Variants in RASGRF2 observed in about 807,000 individuals in gnomAD.
RASGRF2 encodes the protein Ras protein specific guanine nucleotide releasing factor 2, also known as ras-specific guanine nucleotide-releasing factor 2.
Under a neutral mutation model 151.0 loss-of-function variants are expected in RASGRF2, and 76 were observed. The observed-to-expected ratio is 0.50, with a 90% confidence interval of 0.42 to 0.61. The LOEUF (loss-of-function observed/expected upper bound fraction) is 0.61, where lower values mean the gene tolerates loss of function less well. Among genes scored for constraint, RASGRF2 ranks in the 20% least tolerant of loss-of-function variants. The pLI, the probability that RASGRF2 is intolerant of heterozygous loss-of-function variation, is 0.00. For missense variants in RASGRF2, 1,148 were observed against 1,564.6 expected, an observed-to-expected ratio of 0.73 and a Z score of 4.49; for synonymous variants, 504 against 566.5, an observed-to-expected ratio of 0.89 and a Z score of 1.57.
chr5:81,185,682 C>T (rs746623458), intron 18 of RASGRF2, among the ~76,000 whole-genome samples: 2 of 152,266 alleles, frequency 1.3e-5, no homozygotes, highest in East Asian at 3.9e-4. Context: ...TTATTGCTTT[C>T]CCCTGGACCT....
At chr5:80,975,921 TC>T (rs1398172662) in intron 1 of RASGRF2, among the ~76,000 whole-genome samples, 2 of 148,394 alleles carry the variant, frequency 1.3e-5, no homozygotes, top group Non-Finnish European at 2.9e-5. Context: ...TGGCACGATC[TC>T]CAACCTCCGC....
chr5:81,015,980 A>G (rs1392344153), intron 1 of RASGRF2, among the ~76,000 whole-genome samples: 3 of 152,196 alleles, frequency 2.0e-5, no homozygotes, highest in Non-Finnish European at 2.9e-5. Context: ...ACCAGGCACA[A>G]CCTTATAAAA....
At chr5:81,069,722 TAGAA>T (rs1751716424) in intron 3 of RASGRF2, among the ~76,000 whole-genome samples, 1 of 152,174 alleles carries the variant, frequency 6.6e-6, no homozygotes, top group Non-Finnish European at 1.5e-5. Flanking sequence ...GGGGACAAAA[TAGAA>T]AGACAGGCTA....
chr5:80,961,169 C>A, intron 1 of RASGRF2, 143 bp downstream of exon 1: 1 of 923,430 alleles, frequency 1.1e-6, no homozygotes, highest in Non-Finnish European at 1.5e-6. Context: ...AGTGGCGGGA[C>A]ATCTCCACGC....
chr5:81,152,105 T>G (rs1754150817), intron 17 of RASGRF2, among the ~76,000 whole-genome samples: 1 of 152,074 alleles, frequency 6.6e-6, no homozygotes, highest in East Asian at 1.9e-4. Flanking sequence ...AGGTTCAAGC[T>G]ATTCTCCCAT....
intron 5 of RASGRF2, 127 bp from the exon 6 acceptor site, chr5:81,079,994 G>A (rs903060860): frequency 2.5e-6 from 3 of 1,194,048 alleles, no homozygotes; most frequent in African/African-American, 1.6e-5. Flanking sequence ...TGTTATTATT[G>A]GGTATAGTTT....
chr5:81,142,713 G>A (rs1427265437), intron 17 of RASGRF2, among the ~76,000 whole-genome samples: 1 of 152,140 alleles, frequency 6.6e-6, no homozygotes, highest in African/African-American at 2.4e-5. Flanking sequence ...AGCACCCAGT[G>A]TGAAATGAAA....
rs545719810 is a variant in RASGRF2, at chr5:81,111,287, G to A, written c.1839-1323G>A. On this transcript the variant is annotated intron_variant, in intron 13 of 26. Coordinates refer to ENST00000265080, the MANE Select transcript of RASGRF2 (RefSeq NM_006909.3). ...GGTCCTGAAATGCTGCAGTGAAGGTGAACAAGGGATCTCAGAAGGGGAAGT... is the reference window on the plus strand; with the variant it reads ...GGTCCTGAAATGCTGCAGTGAAGGTAAACAAGGGATCTCAGAAGGGGAAGT... Among the ~76,000 whole-genome samples the A allele has an allele frequency of 2.4e-4, 36 of 152,310 alleles. 2 individuals are homozygous for A. In the South Asian group the frequency reaches 7.2e-3, roughly 31 times the overall value.
chr5:81,049,622 C>T (rs1191337734), intron 2 of RASGRF2, among the ~76,000 whole-genome samples: 1 of 152,138 alleles, frequency 6.6e-6, no homozygotes, highest in Admixed American at 6.5e-5. Flanking sequence ...GATCCATTCC[C>T]CAGACTTAGG....
intron 17 of RASGRF2, among the ~76,000 whole-genome samples, chr5:81,144,404 A>T (rs922874554): frequency 2.6e-5 from 4 of 152,336 alleles, no homozygotes; most frequent in African/African-American, 9.6e-5. Context: ...ACCAGCTGTG[A>T]TTAGTACAGG....
At chr5:81,055,559 T>C (rs1208327027) in intron 2 of RASGRF2, among the ~76,000 whole-genome samples, 1 of 152,214 alleles carries the variant, frequency 6.6e-6, no homozygotes, top group Non-Finnish European at 1.5e-5. Context: ...TTTGCATCGA[T>C]GTTCATCAGG....
intron 2 of RASGRF2, among the ~76,000 whole-genome samples, chr5:81,056,703 G>T (rs898638054): frequency 2.0e-5 from 3 of 152,222 alleles, no homozygotes; most frequent in Admixed American, 6.5e-5. Context: ...CTGTCTCGTG[G>T]ATCTGTCTAA....
chr5:81,191,278 A>C (rs1398468176), intron 18 of RASGRF2, among the ~76,000 whole-genome samples: 7 of 152,070 alleles, frequency 4.6e-5, no homozygotes, highest in Admixed American at 4.6e-4. Flanking sequence ...CTCTGCTCTC[A>C]GATGTCATTA....
chr5:81,088,502 A>T (rs1437744115), intron 9 of RASGRF2: 1 of 152,174 alleles, frequency 6.6e-6, no homozygotes, highest in Non-Finnish European at 1.5e-5. Flanking sequence ...CTTGTCTAGT[A>T]TGATGCTTTT....
chr5:81,066,212 T>C (rs1199041931), intron 2 of RASGRF2, among the ~76,000 whole-genome samples: 3 of 152,200 alleles, frequency 2.0e-5, no homozygotes. Flanking sequence ...CTATCTTTTC[T>C]TCTTCTTTTC....
intron 1 of RASGRF2, among the ~76,000 whole-genome samples, chr5:81,023,011 A>C (rs1410011430): frequency 6.8e-6 from 1 of 147,350 alleles, no homozygotes; most frequent in Non-Finnish European, 1.5e-5. Flanking sequence ...TCCTAGGTGG[A>C]GCAGCTGTTG....
At chr5:81,153,553 G>A (rs571723702) in intron 17 of RASGRF2, among the ~76,000 whole-genome samples, 1 of 152,308 alleles carries the variant, frequency 6.6e-6, no homozygotes, top group East Asian at 1.9e-4. Context: ...TTTTAGCCCA[G>A]TGAGATCTGC....
At position 81,094,377 on chromosome 5, in the gene RASGRF2, A is replaced by C; in HGVS notation, c.1618+15A>C. 6.2e-7 allele frequency: 1 copy of C among 1,603,530 alleles called. No individual in the cohort carries two copies. ...CGATGATGACTGTAAGTCACCTTCG[A>C]TCACTTAGGATTCTATTAGAATTAG... On this transcript the variant is annotated intron_variant, in intron 11 of 26. Transcript: ENST00000265080.
intron 7 of RASGRF2, among the ~76,000 whole-genome samples, chr5:81,084,477 T>G (rs1221313317): frequency 1.3e-5 from 2 of 152,190 alleles, no homozygotes; most frequent in Non-Finnish European, 2.9e-5. Context: ...AAAGGGAGGA[T>G]TCTCCTGTTT....
Sources: gnomAD v4.1 joint callset for allele counts (sites outside exome capture counted in the v4.1 genomes callset) on GRCh38, gnomAD v4.1.1 for gene constraint, MANE v1.5 for transcripts, NCBI Gene and HGNC (gene_info 2026-07-23, HGNC 2026-07-21) for gene names.